AOPEP: variants seen among roughly 807,000 people sequenced by gnomAD.
AOPEP encodes the protein aminopeptidase O.
In AOPEP, 77 loss-of-function variants were observed where a neutral mutation model predicts 98.1. The observed-to-expected ratio is 0.78, with a 90% CI of 0.65 to 0.95. The LOEUF (loss-of-function observed/expected upper bound fraction) is 0.95, where lower values mean the gene tolerates loss of function less well. Ranked by LOEUF, AOPEP falls within the 40% of genes least tolerant of loss-of-function variation. The pLI, the probability that AOPEP is intolerant of heterozygous loss-of-function variation, is 0.00. For missense variants in AOPEP, 1,024 were observed against 1,024.7 expected (o/e 1.00, Z 0.01); for synonymous variants, 346 against 365.3 (o/e 0.95, Z 0.60).
At chr9:94,938,804 G>T (rs568723227) in intron 7 of AOPEP, among the ~76,000 whole-genome samples, 1 of 152,162 alleles carries the variant, frequency 6.6e-6, no homozygotes, top group African/African-American at 2.4e-5. Flanking sequence ...ATTACCCAGC[G>T]TTTGGGATAA....
At chr9:95,052,887 T>G (rs2066503285) in intron 13 of AOPEP, among the ~76,000 whole-genome samples, 1 of 152,234 alleles carries the variant, frequency 6.6e-6, no homozygotes, top group African/African-American at 2.4e-5. Flanking sequence ...ACAGAATATT[T>G]GGAAAATTTT....
rs540459186 is a variant in AOPEP at position 94,878,463 on chromosome 9, T to C, written c.1365-45523T>C. ...GATGTTATTTCCCGAAGACCCAATTTCCAGGCTCTAGACCATGAAGGATTT... is the reference window on the plus strand; with the variant it reads ...GATGTTATTTCCCGAAGACCCAATTCCCAGGCTCTAGACCATGAAGGATTT... On this transcript the variant is annotated intron_variant, in intron 5 of 16. Coordinates refer to ENST00000375315, the MANE Select transcript of AOPEP (RefSeq NM_001193329.3). Among the ~76,000 whole-genome samples, 4 of 151,744 alleles carry C rather than the reference T, an allele frequency of 2.6e-5. No individual in the cohort carries two copies. In the South Asian group the frequency reaches 6.3e-4, roughly 24 times the overall value.
intron 13 of AOPEP, among the ~76,000 whole-genome samples, chr9:95,010,459 T>G (rs545824964): frequency 6.6e-6 from 1 of 152,308 alleles, no homozygotes; most frequent in South Asian, 2.1e-4. Flanking sequence ...TCCCTTCACT[T>G]TGTAGGAACT....
chr9:95,082,537 AC>A lies in AOPEP; in HGVS notation c.2320-36del, dbSNP rs764882501. 2.5e-6 allele frequency: 4 copies of A among 1,608,674 alleles called. No individual in the cohort carries two copies. The South Asian group carries it at 4.4e-5, about 18-fold the overall frequency. On this transcript the variant is annotated intron_variant, in intron 15 of 16. Transcript: ENST00000375315. ...TGTGTGCGTGTGTGTGGGTACCCAC[AC>A]CTTCGCCTGATGCCCTTTGGCCTCT...
intron 4 of AOPEP, among the ~76,000 whole-genome samples, chr9:94,793,159 A>C (rs1223686275): frequency 6.7e-6 from 1 of 148,198 alleles, no homozygotes; most frequent in Non-Finnish European, 1.5e-5. Context: ...AGGTCAAGAG[A>C]CTGAGACCAT....
At chr9:94,783,936 A>G (rs538529149) in intron 3 of AOPEP, among the ~76,000 whole-genome samples, 1 of 152,324 alleles carries the variant, frequency 6.6e-6, no homozygotes. Flanking sequence ...GGGCTACTGA[A>G]GGATTGAGGA....
the AOPEP span, among the ~76,000 whole-genome samples, chr9:95,102,400 A>T: frequency 6.6e-6 from 1 of 152,226 alleles, no homozygotes; most frequent in Non-Finnish European, 1.5e-5. Flanking sequence ...GCCTCAAGGC[A>T]TTCGTACTTG....
Position 94,928,402 on chromosome 9 carries a change from T to C in AOPEP, c.1555-23T>C, listed in dbSNP as rs1389735941. 12 of 1,510,102 alleles carry C rather than the reference T, an allele frequency of 7.9e-6. No individual in the cohort carries two copies. The South Asian group carries it at 8.4e-5, about 11-fold the overall frequency. 93.5% of individuals were successfully genotyped at this position (1,510,102 alleles called of 1,614,324 possible). ...AGTGACTGTGTTTTGTGCATGTGTG[T>C]CTGTGTGTCTGTGGCTGAGCAGCTG... On this transcript the variant is annotated intron_variant, in intron 6 of 16. Transcript: ENST00000375315.
At chr9:95,136,540 G>C in the AOPEP span, among the ~76,000 whole-genome samples, 1 of 151,834 alleles carries the variant, frequency 6.6e-6, no homozygotes, top group Non-Finnish European at 1.5e-5. Context: ...AGGCTAGAGT[G>C]CAATGGTGTG....
chr9:94,753,176 G>A (rs35921285), intron 1 of AOPEP, among the ~76,000 whole-genome samples: 6,748 of 152,176 alleles, frequency 0.044, 210 homozygotes, highest in Non-Finnish European at 0.068. Context: ...GTTGCTGTTT[G>A]AAGCTACAAA....
Position 94,925,155 on chromosome 9 carries a change from C to T in AOPEP, c.1554+980C>T, listed in dbSNP as rs550173276. Among the ~76,000 whole-genome samples the T allele has an allele frequency of 1.5e-4, 23 of 152,296 alleles. No individual in the cohort carries two copies. The East Asian group carries it at 2.9e-3, about 19-fold the overall frequency. On this transcript the variant is annotated intron_variant, in intron 6 of 16. Coordinates refer to ENST00000375315, the MANE Select transcript of AOPEP (RefSeq NM_001193329.3). ...GACAGGCACATGTCACCATGCCCAG[C>T]TAATTTTTGTATTTTTAGTAGACGG...
intron 5 of AOPEP, among the ~76,000 whole-genome samples, chr9:94,895,805 C>T (rs868613443): frequency 6.6e-6 from 1 of 152,098 alleles, no homozygotes; most frequent in Non-Finnish European, 1.5e-5. Flanking sequence ...CCACATGCCT[C>T]GGCCTCCCAA....
At chr9:94,989,542 T>C (rs1451778782) in intron 11 of AOPEP, among the ~76,000 whole-genome samples, 5 of 143,244 alleles carry the variant, frequency 3.5e-5, no homozygotes, top group African/African-American at 1.0e-4. Context: ...GCCAAGAAGC[T>C]TCTTTTCTAA....
intron 2 of AOPEP, among the ~76,000 whole-genome samples, chr9:94,766,886 C>A (rs1775716356): frequency 6.6e-6 from 1 of 152,044 alleles, no homozygotes; most frequent in Non-Finnish European, 1.5e-5. Flanking sequence ...AGGAGAACTA[C>A]TTTTTTCTGT....
chr9:95,123,098 TTG>T, the AOPEP span, among the ~76,000 whole-genome samples: 1 of 152,070 alleles, frequency 6.6e-6, no homozygotes, highest in African/African-American at 2.4e-5. Flanking sequence ...ACCCAGCTGT[TTG>T]AGACCAGCCT....
At chr9:94,798,837 G>T (rs1289374012) in intron 4 of AOPEP, among the ~76,000 whole-genome samples, 1 of 152,174 alleles carries the variant, frequency 6.6e-6, no homozygotes, top group East Asian at 1.9e-4. Context: ...TCATGCACAA[G>T]CACAGTACTT....
At chr9:95,067,031 T>G (rs142107163) in intron 14 of AOPEP, among the ~76,000 whole-genome samples, 1 of 152,254 alleles carries the variant, frequency 6.6e-6, no homozygotes, top group African/African-American at 2.4e-5. Flanking sequence ...AAGTATACCT[T>G]AAATGCCCTG....
At chr9:95,081,809 C>T (rs776849054) in intron 15 of AOPEP, among the ~76,000 whole-genome samples, 4 of 152,094 alleles carry the variant, frequency 2.6e-5, no homozygotes, top group East Asian at 3.9e-4. Flanking sequence ...CCCTTAACTA[C>T]GAAGTTTTGC....
chr9:94,910,089 C>T (rs566474197), intron 5 of AOPEP, among the ~76,000 whole-genome samples: 46 of 152,206 alleles, frequency 3.0e-4, no homozygotes, highest in East Asian at 3.9e-4. Context: ...GTTTGAATCG[C>T]GGGTCCCTGC....
Sources: gnomAD v4.1 joint callset for allele counts (sites outside exome capture counted in the v4.1 genomes callset) on GRCh38, gnomAD v4.1.1 for gene constraint, MANE v1.5 for transcripts, NCBI Gene and HGNC (gene_info 2026-07-23, HGNC 2026-07-21) for gene names.